The following GHR variants were observed in gnomAD, a reference collection of about 807,000 sequenced individuals.
GHR encodes growth hormone receptor.
GHR carries 35 observed loss-of-function variants against 67.1 expected under a neutral mutation model. That is an observed-to-expected ratio of 0.52 (90% CI 0.40 to 0.69). The LOEUF (loss-of-function observed/expected upper bound fraction) is 0.69, where lower values mean the gene tolerates loss of function less well. Among genes scored for constraint, GHR ranks in the 30% least tolerant of loss-of-function variants. The pLI is 0.00. For missense variants in GHR, 792 were observed against 764.6 expected (o/e 1.04, Z -0.42); for synonymous variants, 272 against 269.1 (o/e 1.01, Z -0.10).
intron 1 of GHR, among the ~76,000 whole-genome samples, chr5:42,445,974 T>C (rs1743791193): frequency 6.6e-6 from 1 of 152,210 alleles, no homozygotes; most frequent in Non-Finnish European, 1.5e-5. Context: ...AGGCTCACTG[T>C]AGAGAGAAGC....
intron 1 of GHR, among the ~76,000 whole-genome samples, chr5:42,542,889 G>T (rs560402895): frequency 2.3e-4 from 35 of 152,136 alleles, no homozygotes; most frequent in African/African-American, 7.9e-4. Context: ...CATGGTATTT[G>T]GTTTTCCATT....
At chr5:42,579,906 GT>G (rs920406816) in intron 2 of GHR, among the ~76,000 whole-genome samples, 129 of 146,112 alleles carry the variant, frequency 8.8e-4, no homozygotes, top group East Asian at 2.0e-3. Flanking sequence ...ATGCCATGCT[GT>G]TTTTTTTTTT....
intron 1 of GHR, among the ~76,000 whole-genome samples, chr5:42,554,268 G>A (rs1448748759): frequency 1.3e-5 from 2 of 151,954 alleles, no homozygotes; most frequent in East Asian, 3.9e-4. Flanking sequence ...TGGAGATAAA[G>A]AAGTTGAGGC....
chr5:42,489,958 A>G (rs191256435), intron 1 of GHR, among the ~76,000 whole-genome samples: 7 of 152,334 alleles, frequency 4.6e-5, no homozygotes, highest in Admixed American at 4.6e-4. Flanking sequence ...AGAAAAAAAA[A>G]CAATTTCAGT....
chr5:42,458,734 A>G (rs897827601), intron 1 of GHR, among the ~76,000 whole-genome samples: 22 of 152,226 alleles, frequency 1.4e-4, no homozygotes, highest in African/African-American at 4.8e-4. Context: ...TTTGCAAACT[A>G]TACATCCGAC....
At chr5:42,536,254 GAATGCTTTC>G (rs1326543984) in intron 1 of GHR, among the ~76,000 whole-genome samples, 1 of 152,108 alleles carries the variant, frequency 6.6e-6, no homozygotes, top group Non-Finnish European at 1.5e-5. Flanking sequence ...TTTCCAGAGG[GAATGCTTTC>G]AACTTTTCCC....
At chr5:42,685,254 C>A (rs1249211837) in intron 3 of GHR, among the ~76,000 whole-genome samples, 1 of 152,106 alleles carries the variant, frequency 6.6e-6, no homozygotes, top group Non-Finnish European at 1.5e-5. Flanking sequence ...TCATCCATGT[C>A]CCTGCAAAGA....
chr5:42,476,282 A>G (rs1439987704), intron 1 of GHR, among the ~76,000 whole-genome samples: 1 of 147,206 alleles, frequency 6.8e-6, no homozygotes, highest in African/African-American at 2.5e-5. Context: ...GTGCAGTGGC[A>G]CAATCTCGGC....
intron 1 of GHR, among the ~76,000 whole-genome samples, chr5:42,550,646 G>A (rs1351840173): frequency 6.6e-6 from 1 of 152,068 alleles, no homozygotes; most frequent in Admixed American, 6.6e-5. Context: ...TTATCCTCTT[G>A]AATTTTTCTG....
intron 1 of GHR, among the ~76,000 whole-genome samples, chr5:42,441,766 C>T (rs1417147487): frequency 2.0e-5 from 3 of 152,160 alleles, no homozygotes; most frequent in African/African-American, 7.2e-5. Flanking sequence ...GCCTTGGCCT[C>T]CCAAAGTGCT....
intron 3 of GHR, among the ~76,000 whole-genome samples, chr5:42,655,249 C>T (rs1012619027): frequency 1.3e-5 from 2 of 152,082 alleles, no homozygotes; most frequent in African/African-American, 4.8e-5. Context: ...GCAGATGCTG[C>T]TCCTTTAATA....
intron 3 of GHR, among the ~76,000 whole-genome samples, chr5:42,671,774 G>A (rs12658163): frequency 0.017 from 2,618 of 151,840 alleles, 132 homozygotes; most frequent in South Asian, 0.15. Flanking sequence ...GGCTAAAACG[G>A]TGAAACCCAG....
chr5:42,669,401 A>G (rs977430157), intron 3 of GHR, among the ~76,000 whole-genome samples: 2 of 152,196 alleles, frequency 1.3e-5, no homozygotes, highest in African/African-American at 2.4e-5. Flanking sequence ...TAGAAAACAA[A>G]GTTTCATTTG....
chr5:42,527,225 A>C (rs1747742058), intron 1 of GHR, among the ~76,000 whole-genome samples: 1 of 152,204 alleles, frequency 6.6e-6, no homozygotes, highest in Non-Finnish European at 1.5e-5. Flanking sequence ...CACACATATC[A>C]ATACTAACCC....
At chr5:42,482,795 C>G (rs528479112) in intron 1 of GHR, among the ~76,000 whole-genome samples, 1 of 152,118 alleles carries the variant, frequency 6.6e-6, no homozygotes, top group Non-Finnish European at 1.5e-5. Context: ...CTTTCTTTGA[C>G]TAGGAAAGGG....
intron 1 of GHR, among the ~76,000 whole-genome samples, chr5:42,520,581 T>G (rs1254844215): frequency 6.6e-6 from 1 of 152,188 alleles, no homozygotes; most frequent in African/African-American, 2.4e-5. Context: ...TCAAGATTAT[T>G]AGGGTCATGA....
intron 3 of GHR, among the ~76,000 whole-genome samples, chr5:42,670,847 T>TA (rs1756240659): frequency 1.2e-4 from 14 of 114,202 alleles, no homozygotes; most frequent in South Asian, 5.8e-4. Flanking sequence ...ATAATTTTTT[T>TA]TAAAAAAAAG....
chr5:42,674,074 G>A (rs1029320366), intron 3 of GHR, among the ~76,000 whole-genome samples: 3 of 151,938 alleles, frequency 2.0e-5, no homozygotes, highest in South Asian at 4.2e-4. Context: ...AATTTTGATG[G>A]TCTCATTAAA....
chr5:42,468,686 G>A (rs1454590965), intron 1 of GHR: 4 of 984,254 alleles, frequency 4.1e-6, no homozygotes, highest in Non-Finnish European at 6.5e-6. Context: ...CCGCCTTGGA[G>A]TTGGTCTGGG....
Sources: gnomAD v4.1 joint callset for allele counts (sites outside exome capture counted in the v4.1 genomes callset) on GRCh38, gnomAD v4.1.1 for gene constraint, MANE v1.5 for transcripts, NCBI Gene and HGNC (gene_info 2026-07-23, HGNC 2026-07-21) for gene names.